Variants in CA5A observed in about 807,000 individuals in gnomAD.
CA5A encodes the protein carbonic anhydrase 5A.
In CA5A, 28 loss-of-function variants were observed where a neutral mutation model predicts 37.1. That is an observed-to-expected ratio of 0.75 (90% CI 0.56 to 1.03). The LOEUF is 1.03. Ranked by LOEUF, CA5A falls within the 50% of genes least tolerant of loss-of-function variation. The pLI is 0.00. For missense variants in CA5A, 444 were observed against 399.9 expected (o/e 1.11, Z -0.94); for synonymous variants, 171 against 158.4 (o/e 1.08, Z -0.60).
chr16:87,908,738 G>A (rs1846042358), intron 2 of CA5A, among the ~76,000 whole-genome samples: 1 of 152,216 alleles, frequency 6.6e-6, no homozygotes, highest in Non-Finnish European at 1.5e-5. Context: ...GTTTCCAGCA[G>A]GGCTGGAGCC....
rs1368881046 is a variant in CA5A at position 87,926,952 on chromosome 16, G to C, written c.143-7C>G. 1.9e-6 allele frequency: 3 copies of C among 1,539,962 alleles called. No individual in the cohort carries two copies. The highest frequency in any genetic ancestry group is 4.8e-5 in the East Asian group (2 of 41,868). ...ACCGTCCAGAGTGGGTGCACTGCAGGGAGAGAGACGGAGACCCTGAGTGAG... is the reference window on the plus strand; with the variant it reads ...ACCGTCCAGAGTGGGTGCACTGCAGCGAGAGAGACGGAGACCCTGAGTGAG... On this transcript the variant is annotated splice_region_variant and splice_polypyrimidine_tract_variant and intron_variant, in intron 1 of 6. Transcript: ENST00000649794.
chr16:87,935,775 C>G (rs566718307), intron 1 of CA5A, among the ~76,000 whole-genome samples: 1 of 152,038 alleles, frequency 6.6e-6, no homozygotes, highest in South Asian at 2.1e-4. Flanking sequence ...ACTTTGGAGG[C>G]TGAGGCAGGA....
intron 2 of CA5A, among the ~76,000 whole-genome samples, chr16:87,914,958 G>A (rs965490952): frequency 2.0e-5 from 3 of 152,268 alleles, no homozygotes; most frequent in African/African-American, 7.2e-5. Context: ...GAGGAGCTAA[G>A]GAAAACGCCG....
Position 87,894,403 on chromosome 16 carries a change from G to A in CA5A, c.619-2449C>T, listed in dbSNP as rs143393878. 3.9e-3 allele frequency among the ~76,000 whole-genome samples: 595 copies of A among 152,212 alleles called. 6 individuals carry two copies. The highest frequency in any genetic ancestry group is 0.014 in the African/African-American group (578 of 41,520). ...TTGCTGGGCCCTGGCCTTCCAAGGT[G>A]GAAGCTGGCAACCCAGATGCCTTGG... is the stretch of plus-strand genomic sequence containing the variant. On this transcript the variant is annotated intron_variant, in intron 5 of 6. Transcript: ENST00000649794.
chr16:87,915,689 CAAAAAAAAA>C (rs10593708), intron 2 of CA5A, among the ~76,000 whole-genome samples: 2 of 83,618 alleles, frequency 2.4e-5, no homozygotes, highest in African/African-American at 4.1e-5. Context: ...ATCCTGTCTC[CAAAAAAAAA>C]AAAAAAAAAA....
At chr16:87,934,909 G>A (rs1250128170) in intron 1 of CA5A, among the ~76,000 whole-genome samples, 3 of 152,220 alleles carry the variant, frequency 2.0e-5, no homozygotes, top group Non-Finnish European at 2.9e-5. Flanking sequence ...GCAGTGAGCC[G>A]AGATCGCACC....
chr16:87,915,526 A>ATTTTTTTTTTT (rs59358304), intron 2 of CA5A, among the ~76,000 whole-genome samples: 1 of 72,980 alleles, frequency 1.4e-5, no homozygotes, highest in Non-Finnish European at 2.4e-5. Context: ...CTGTGTCAAA[A>ATTTTTTTTTTT]TTTTTTTTTT....
chr16:87,933,021 G>A (rs761352866), intron 1 of CA5A, among the ~76,000 whole-genome samples: 4 of 152,232 alleles, frequency 2.6e-5, no homozygotes, highest in East Asian at 1.9e-4. Flanking sequence ...AGGTGGCTGC[G>A]AAGGGAGGAT....
intron 5 of CA5A, among the ~76,000 whole-genome samples, chr16:87,896,743 C>T (rs755667838): frequency 6.6e-6 from 1 of 152,198 alleles, no homozygotes; most frequent in Non-Finnish European, 1.5e-5. Flanking sequence ...CAGGTTCAAG[C>T]GATTCTCCTG....
At chr16:87,896,870 C>T (rs1408713862) in intron 5 of CA5A, among the ~76,000 whole-genome samples, 1 of 152,246 alleles carries the variant, frequency 6.6e-6, no homozygotes, top group Non-Finnish European at 1.5e-5. Flanking sequence ...AAACTCCTGA[C>T]CTCAGGTGAT....
chr16:87,900,941 C>G (rs1347079011), intron 5 of CA5A, among the ~76,000 whole-genome samples: 1 of 152,216 alleles, frequency 6.6e-6, no homozygotes, highest in Non-Finnish European at 1.5e-5. Flanking sequence ...AAAATATTAA[C>G]TAGGCTGGGC....
rs774174056 is a variant in CA5A at position 87,899,295 on chromosome 16, C to CTT, written c.618+2615_618+2616dup. Among the ~76,000 whole-genome samples the CTT allele has an allele frequency of 1.3e-3, 113 of 85,850 alleles. 1 individual carries two copies. The highest frequency in any genetic ancestry group is 8.1e-3 in the Middle Eastern group (1 of 124). 56.3% of individuals were successfully genotyped at this position (85,850 alleles called of 152,430 possible). A position where few individuals can be genotyped will look rare whatever the true frequency, so the allele number is the denominator to read the frequency against. On this transcript the variant is annotated intron_variant, in intron 5 of 6. Coordinates refer to ENST00000649794, the MANE Select transcript of CA5A (RefSeq NM_001739.2). Reference sequence around the variant, plus strand: ...GGCTGGGCCTTTTACCTCCTAAGGTCTTTTTTTTTTTTTTTTTTTTTTTTT... The same window carrying CTT: ...GGCTGGGCCTTTTACCTCCTAAGGTCTTTTTTTTTTTTTTTTTTTTTTTTTTT...
chr16:87,904,636 C>A (rs768803738), intron 3 of CA5A, 150 bp downstream of exon 3: 3 of 550,552 alleles, frequency 5.4e-6, no homozygotes, highest in Admixed American at 6.0e-5. Context: ...ACGGGTGGGG[C>A]GGCCGACGGT....
In CA5A at chr16:87,895,311, C is replaced by T. The variant is rs146493308; in HGVS notation, c.619-3357G>A. On this transcript the variant is annotated intron_variant, in intron 5 of 6. Transcript: ENST00000649794. ...CTGTAATCCCAGCACTTTGGGAGGC[C>T]GAGGCGGATGGATCACCTGAGGTCA... is the stretch of plus-strand genomic sequence containing the variant. 3.5e-3 allele frequency among the ~76,000 whole-genome samples: 533 copies of T among 152,182 alleles called. 6 individuals carry two copies. Among genetic ancestry groups the T allele is most frequent in the African/African-American group, 0.011 (477 of 41,524 alleles).
intron 1 of CA5A, among the ~76,000 whole-genome samples, chr16:87,928,760 GTTTTTTTTT>G (rs60994571): frequency 7.9e-4 from 46 of 57,934 alleles, no homozygotes; most frequent in Non-Finnish European, 1.1e-3. Context: ...TCTTTTCTTT[GTTTTTTTTT>G]TTTTTTTTTT....
rs1263249050 is a variant in CA5A at position 87,901,979 on chromosome 16, A to G, written c.556-5T>C. 1 of 1,613,542 alleles carries G rather than the reference A, an allele frequency of 6.2e-7. No homozygotes were observed. The highest frequency in any genetic ancestry group is 8.5e-7 in the Non-Finnish European group (1 of 1,179,628). On this transcript the variant is annotated splice_region_variant and splice_polypyrimidine_tract_variant and intron_variant, in intron 4 of 6. Coordinates refer to ENST00000649794, the MANE Select transcript of CA5A (RefSeq NM_001739.2). ...CGTCTGATGATGGGCCCCGAGCTGC[A>G]TGGCAGACAAAGGAGGGGTTAGCTG...
chr16:87,928,297 G>A (rs2056342249), intron 1 of CA5A, among the ~76,000 whole-genome samples: 1 of 152,124 alleles, frequency 6.6e-6, no homozygotes, highest in Non-Finnish European at 1.5e-5. Flanking sequence ...CTGAGCAGCT[G>A]GGACTGCAGG....
chr16:87,930,092 C>CT (rs1286384586), intron 1 of CA5A, among the ~76,000 whole-genome samples: 29 of 152,254 alleles, frequency 1.9e-4, no homozygotes, highest in Non-Finnish European at 1.2e-4. Flanking sequence ...TGGTTTTTCT[C>CT]TCCCCCATCA....
rs555122782 is a variant in CA5A at position 87,926,868 on chromosome 16, T to A, written c.220A>T (p.Ser74Cys). 1 of 1,613,118 alleles carries A rather than the reference T, an allele frequency of 6.2e-7. No homozygotes were observed. Among genetic ancestry groups the A allele is most frequent in the African/African-American group, 1.3e-5 (1 of 75,060 alleles). ...GGCTTCAGCTGGGGGTCATAGACGC[T>A]GTCCCTCCACTGGATGTTAATAGGA... ...QSPINIQWRDSVYDPQLKPLR... is the reference protein window; with the variant it reads ...QSPINIQWRDCVYDPQLKPLR... Residue 74 changes from serine to cysteine, a missense_variant, in exon 2 of 7, where the codon AGC becomes TGC. By Grantham distance (112) the Ser-to-Cys change is moderately radical. Transcript: ENST00000649794.
Sources: allele counts gnomAD v4.1 joint callset (sites outside exome capture counted in the v4.1 genomes callset), GRCh38; gene constraint gnomAD v4.1.1; transcripts MANE v1.5; gene names NCBI Gene and HGNC (gene_info 2026-07-23, HGNC 2026-07-21).